The following DST variants were observed in gnomAD, a reference collection of about 807,000 sequenced individuals.
DST encodes the protein dystonin.
DST carries 253 observed loss-of-function variants against 875.2 expected under a neutral mutation model. That is an observed-to-expected ratio of 0.29 (90% CI 0.26 to 0.32). The LOEUF (loss-of-function observed/expected upper bound fraction) is 0.32. DST is among the 10% of genes least tolerant of loss of function. DST has a pLI of 1.00. For synonymous variants in DST, 3,124 were observed against 3,197.1 expected (o/e 0.98, Z 0.77); for missense variants, 8,287 against 9,111.6 (o/e 0.91, Z 3.68).
chr6:56,891,869 T>C (rs905369098), intron 3 of DST, among the ~76,000 whole-genome samples: 22 of 152,104 alleles, frequency 1.4e-4, no homozygotes, highest in African/African-American at 5.3e-4. Flanking sequence ...TGCAACTGAG[T>C]AATCTCCACT....
chr6:56,631,438 G>A (rs751309253), intron 29 of DST, 49 bp from the exon 30 acceptor site: 2 of 1,515,018 alleles, frequency 1.3e-6, no homozygotes, highest in Admixed American at 1.7e-5. Context: ...CCTGTGATGA[G>A]GTGTTTTTCT....
intron 30 of DST, among the ~76,000 whole-genome samples, chr6:56,630,829 C>A (rs2098772971): frequency 6.6e-6 from 1 of 151,090 alleles, no homozygotes; most frequent in Admixed American, 6.6e-5. Context: ...GTCACCCAGG[C>A]TGGAGTGCAG....
At chr6:56,843,630 G>A (rs2099803352) in intron 4 of DST, 2 of 984,042 alleles carry the variant, frequency 2.0e-6, no homozygotes, top group Admixed American at 6.2e-5. Context: ...CACCGGGGAT[G>A]CTGCGCGGCG....
chr6:56,472,081 T>A lies in DST; in HGVS notation c.22136A>T (p.Asp7379Val). 1.2e-6 allele frequency: 2 copies of A among 1,613,924 alleles called. No homozygotes were observed. Among genetic ancestry groups the A allele is most frequent in the Non-Finnish European group, 1.7e-6 (2 of 1,179,828 alleles). ...AACCTCCTCTAGTCTGTCCAAGGCA[T>A]CATTGAGTTTCCTCCTTCTTTCCAA... ...LALERRRKLN[D>V]ALDRLEELRE... The change falls in exon 94 of 104, where the codon GAT becomes GTT. Residue 7379 changes from aspartate to valine, a missense_variant. Asp to Val is a radical substitution (Grantham distance 152, BLOSUM62 -3). Transcript: ENST00000680361.
intron 13 of DST, among the ~76,000 whole-genome samples, chr6:56,647,256 T>C (rs901037172): frequency 6.6e-6 from 1 of 152,252 alleles, no homozygotes; most frequent in Admixed American, 6.5e-5. Context: ...ACACTGTTCA[T>C]GGCACCACAT....
chr6:56,640,489 T>C lies in DST; in HGVS notation c.2144A>G (p.Gln715Arg), dbSNP rs768342477. The C allele has an allele frequency of 1.2e-6, 2 of 1,614,204 alleles. No individual in the cohort carries two copies. Among genetic ancestry groups the C allele is most frequent in the South Asian group, 2.2e-5 (2 of 91,086 alleles). Residue 715 changes from glutamine (Q) to arginine (R), a missense_variant, in exon 18 of 104, where the codon CAA becomes CGA. Gln to Arg is a conservative substitution (Grantham distance 43, BLOSUM62 1). Transcript: ENST00000680361. Reference protein sequence around the residue: ...QTKLMISGITQSLNSGFAQTL... With the variant: ...QTKLMISGITRSLNSGFAQTL... The stretch of plus-strand genomic sequence containing the variant: ...CTGTGCAAATCCTGAGTTTAAACTT[T>C]GAGTGATTCCTGATATCATGAGCTT...
intron 4 of DST, among the ~76,000 whole-genome samples, chr6:56,821,671 T>C (rs1272122765): frequency 3.3e-5 from 5 of 152,210 alleles, no homozygotes; most frequent in African/African-American, 4.8e-5. Flanking sequence ...GTACTGTCAC[T>C]ACAAAAAGAA....
chr6:56,947,527 C>T (rs1038146406), intron 2 of DST, among the ~76,000 whole-genome samples: 5 of 152,140 alleles, frequency 3.3e-5, no homozygotes, highest in African/African-American at 1.2e-4. Flanking sequence ...GAATTACAGG[C>T]GTGAGCCACC....
chr6:56,801,045 A>AC (rs1413118938), intron 4 of DST, among the ~76,000 whole-genome samples: 1 of 151,674 alleles, frequency 6.6e-6, no homozygotes, highest in African/African-American at 2.4e-5. Context: ...AAAAAAAAAA[A>AC]ACCTCCTATC....
At chr6:56,779,333 T>C (rs1274627695) in intron 4 of DST, among the ~76,000 whole-genome samples, 2 of 152,100 alleles carry the variant, frequency 1.3e-5, no homozygotes, top group Non-Finnish European at 1.5e-5. Context: ...ATTCTGTAGG[T>C]TGCCTGTTCA....
rs371286292 is a variant in DST, at chr6:56,635,744, G to A, written c.3061-30C>T. 5.8e-5 allele frequency: 94 copies of A among 1,611,324 alleles called. No individual in the cohort carries two copies. The African/African-American group carries it at 1.1e-3, about 19-fold the overall frequency. ...GGAAAGATGAAACCTGGAAGTTAAA[G>A]TATGTTAAATACCAGCAAAGCACAC... On this transcript the variant is annotated intron_variant, in intron 23 of 103. Coordinates refer to ENST00000680361, the MANE Select transcript of DST (RefSeq NM_001374736.1).
At chr6:56,759,535 T>C (rs1050804013) in intron 4 of DST, among the ~76,000 whole-genome samples, 3 of 152,190 alleles carry the variant, frequency 2.0e-5, no homozygotes, top group African/African-American at 7.2e-5. Context: ...CAGGAATGAC[T>C]TTGTAGTTTT....
intron 9 of DST, among the ~76,000 whole-genome samples, chr6:56,672,273 C>T (rs565674911): frequency 8.5e-5 from 13 of 152,288 alleles, no homozygotes; most frequent in African/African-American, 3.1e-4. Flanking sequence ...GCCTCACACA[C>T]TCCTTCTCCA....
chr6:56,557,157 T>C (rs2097436803), intron 59 of DST, among the ~76,000 whole-genome samples, 162 bp downstream of exon 59: 1 of 152,198 alleles, frequency 6.6e-6, no homozygotes, highest in Non-Finnish European at 1.5e-5. Context: ...TTCCCACTAA[T>C]ATCAGGACAG....
chr6:56,502,245 A>G (rs1186235853), intron 78 of DST, among the ~76,000 whole-genome samples: 1 of 152,146 alleles, frequency 6.6e-6, no homozygotes, highest in African/African-American at 2.4e-5. Context: ...TCACTGACAT[A>G]GTTAATCATC....
chr6:56,703,864 T>C (rs558585557), intron 6 of DST, 118 bp from the exon 7 acceptor site: 6 of 180,738 alleles, frequency 3.3e-5, no homozygotes, highest in Admixed American at 1.4e-4. Flanking sequence ...GGGGAAGTAA[T>C]GTTCACCAAA....
chr6:56,938,040 C>A (rs150404344), intron 2 of DST, among the ~76,000 whole-genome samples: 12 of 150,222 alleles, frequency 8.0e-5, no homozygotes, highest in African/African-American at 2.7e-4. Context: ...TTGGGGATGA[C>A]GAAAAATATT....
intron 3 of DST, 150 bp from the exon 4 acceptor site, chr6:56,851,754 T>C (rs1360722366): frequency 1.9e-6 from 3 of 1,551,562 alleles, no homozygotes; most frequent in Non-Finnish European, 2.6e-6. Context: ...TGAGGGAATA[T>C]GCAGAAACCA....
intron 80 of DST, 113 bp from the exon 81 acceptor site, chr6:56,498,166 T>G: frequency 1.9e-6 from 2 of 1,060,430 alleles, no homozygotes; most frequent in Non-Finnish European, 2.7e-6. Flanking sequence ...AAACGTTATA[T>G]GTGTAGAATT....
Sources: allele counts gnomAD v4.1 joint callset (sites outside exome capture counted in the v4.1 genomes callset), GRCh38; gene constraint gnomAD v4.1.1; transcripts MANE v1.5; gene names NCBI Gene and HGNC (gene_info 2026-07-23, HGNC 2026-07-21).